USP43: variants seen among roughly 807,000 people sequenced by gnomAD.
The protein encoded by USP43 is ubiquitin specific peptidase 43.
USP43 carries 33 observed loss-of-function variants against 90.7 expected under a neutral mutation model. The ratio of observed to expected loss-of-function variants is 0.36; its 90% CI spans 0.28 to 0.49. The LOEUF (loss-of-function observed/expected upper bound fraction) is 0.49, where lower values mean the gene tolerates loss of function less well. USP43 is among the 20% of genes least tolerant of loss of function. The pLI is 0.98. For missense variants in USP43, 1,274 were observed against 1,476.4 expected (o/e 0.86, Z 2.25); for synonymous variants, 598 against 615.8 (o/e 0.97, Z 0.43).
At chr17:9,654,938 A>G (rs887684976) in intron 1 of USP43, among the ~76,000 whole-genome samples, 2 of 151,838 alleles carry the variant, frequency 1.3e-5, no homozygotes, top group East Asian at 1.9e-4. Context: ...GGGTTTCACT[A>G]TATTGGCTTG....
intron 9 of USP43, among the ~76,000 whole-genome samples, chr17:9,694,318 T>C (rs1422039195): frequency 6.6e-6 from 1 of 152,110 alleles, no homozygotes; most frequent in Non-Finnish European, 1.5e-5. Flanking sequence ...ATGCTTTTGC[T>C]TTACAGAGTT....
chr17:9,710,247 T>TTTCTACAGC, intron 13 of USP43, 133 bp downstream of exon 13: 1 of 1,028,712 alleles, frequency 9.7e-7, no homozygotes, highest in Non-Finnish European at 1.3e-6. Flanking sequence ...GATGCTGCTG[T>TTTCTACAGC]AGAAACCTGA....
At chr17:9,655,265 C>T (rs1032104169) in intron 1 of USP43, among the ~76,000 whole-genome samples, 6 of 152,112 alleles carry the variant, frequency 3.9e-5, no homozygotes, top group Middle Eastern at 3.2e-3. Flanking sequence ...GTCCCACGGC[C>T]ATCACGTGCT....
At chr17:9,699,620 A>G (rs1394516294) in intron 9 of USP43, among the ~76,000 whole-genome samples, 1 of 152,174 alleles carries the variant, frequency 6.6e-6, no homozygotes, top group East Asian at 1.9e-4. Context: ...TCTCTTCTGT[A>G]TTGAGGCTGA....
intron 3 of USP43, among the ~76,000 whole-genome samples, chr17:9,668,617 G>A (rs746683001): frequency 1.3e-5 from 2 of 152,104 alleles, no homozygotes; most frequent in East Asian, 3.9e-4. Flanking sequence ...GGATGACTGC[G>A]GGCTCTTCGT....
At chr17:9,669,068 A>T (rs996376207) in intron 3 of USP43, among the ~76,000 whole-genome samples, 5 of 151,062 alleles carry the variant, frequency 3.3e-5, no homozygotes, top group Non-Finnish European at 4.4e-5. Context: ...CTGGTCTCGA[A>T]CTCCTGACCT....
rs904873520 is a variant in USP43, at chr17:9,709,693, G to A, written c.2012-263G>A. Among the ~76,000 whole-genome samples the A allele has an allele frequency of 6.6e-6, 1 of 152,040 alleles. No homozygotes were observed. The highest frequency in any genetic ancestry group is 1.5e-5 in the Non-Finnish European group (1 of 68,020). On this transcript the variant is annotated intron_variant, in intron 12 of 14. Transcript: ENST00000285199. The surrounding 1 kb of genome is among the most constrained non-coding windows in gnomAD (Gnocchi z 5.0). ...ATCGCGCCACTTCACTCCAGCCTGG[G>A]TGACAGAGCGAAACTCCGTCTCAAA...
Position 9,656,420 on chromosome 17 carries a change from C to T in USP43, c.522C>T (p.Tyr174=), listed in dbSNP as rs538991468. 1.7e-4 allele frequency: 268 copies of T among 1,610,974 alleles called. No individual in the cohort carries two copies. The highest frequency in any genetic ancestry group is 6.6e-4 in the Middle Eastern group (4 of 6,038). The change falls in exon 2 of 15, where the codon TAC becomes TAT. Residue 174 remains tyrosine (Y), a synonymous_variant. Transcript: ENST00000285199. ...CCTTTCAGAATGCAGTTTCCAAGTA[C>T]GGCTCTCAGTTCCAAGGCAATTCCC... The part of the protein sequence containing the change: ...SAEFKNAVSK[Y]GSQFQGNSQH...
intron 2 of USP43, among the ~76,000 whole-genome samples, chr17:9,663,315 T>TG (rs1027782728): frequency 6.9e-6 from 1 of 144,772 alleles, no homozygotes; most frequent in South Asian, 2.2e-4. Flanking sequence ...TTTTTTTTTT[T>TG]GAGACAAAGT....
intron 13 of USP43, among the ~76,000 whole-genome samples, chr17:9,711,722 C>T (rs542630847): frequency 7.2e-5 from 11 of 152,314 alleles, no homozygotes; most frequent in South Asian, 2.1e-4. Context: ...TGAGCCACCG[C>T]GCCCAGCCCA....
Position 9,674,784 on chromosome 17 carries a change from G to A in USP43, c.741-107G>A, listed in dbSNP as rs1190176029. On this transcript the variant is annotated intron_variant, in intron 3 of 14. Transcript: ENST00000285199. The surrounding 1 kb of genome is among the most constrained non-coding windows in gnomAD (Gnocchi z 4.4). ...TCAATTCTTCTGGGTATGTACCTAC[G>A]AGTGGAATCACAGGGAGTGGAAATG... is the stretch of plus-strand genomic sequence containing the variant. 7 of 891,216 alleles carry A rather than the reference G, an allele frequency of 7.9e-6. No homozygotes were observed. The highest frequency in any genetic ancestry group is 4.8e-5 in the East Asian group (2 of 41,596). 55.2% of individuals were successfully genotyped at this position (891,216 alleles called of 1,614,324 possible). A position where few individuals can be genotyped will look rare whatever the true frequency, so the allele number is the denominator to read the frequency against.
rs1256031821 is a variant in USP43 at position 9,728,313 on chromosome 17, C to A, written c.2695C>A (p.His899Asn). The A allele has an allele frequency of 6.2e-7, 1 of 1,612,706 alleles. No individual in the cohort carries two copies. The highest frequency in any genetic ancestry group is 8.5e-7 in the Non-Finnish European group (1 of 1,179,388). ...GCCCTGTCCCTCGGCTCAACCCAACCACTGTCTGGCCCCTGGAAACTCAGA... is the reference window on the plus strand; with the variant it reads ...GCCCTGTCCCTCGGCTCAACCCAACAACTGTCTGGCCCCTGGAAACTCAGA... ...GVPCPSAQPN[H>N]CLAPGNSDGP... The change falls in exon 15 of 15, where the codon CAC becomes AAC. Residue 899 changes from histidine to asparagine, a missense_variant. By Grantham distance (68) the His-to-Asn change is moderately conservative (BLOSUM62 1). Around this residue, in one of 6 missense-constraint regions of USP43, gnomAD observed 353 missense variants for 329.7 expected, o/e 1.07. Coordinates refer to ENST00000285199, the MANE Select transcript of USP43 (RefSeq NM_153210.5). The surrounding 1 kb of genome is among the most constrained non-coding windows in gnomAD (Gnocchi z 6.2).
chr17:9,668,575 C>A (rs1229125014), intron 3 of USP43, among the ~76,000 whole-genome samples: 1 of 152,336 alleles, frequency 6.6e-6, no homozygotes, highest in East Asian at 1.9e-4. Context: ...CGCTCTGCCT[C>A]ACCAGGGACA....
chr17:9,676,687 C>T (rs1021066476), intron 4 of USP43, 59 bp from the exon 5 acceptor site: 44 of 1,561,934 alleles, frequency 2.8e-5, no homozygotes, highest in Non-Finnish European at 3.7e-5. Flanking sequence ...CCATTATCAA[C>T]AATGTCATTC....
rs933180663 is a variant in USP43, at chr17:9,712,072, T to C, written c.2275T>C (p.Ser759Pro). The C allele has an allele frequency of 1.9e-6, 3 of 1,611,182 alleles. No individual in the cohort carries two copies. Among genetic ancestry groups the C allele is most frequent in the Admixed American group, 1.7e-5 (1 of 59,782 alleles). The change falls in exon 14 of 15, where the codon TCC becomes CCC. Residue 759 changes from serine to proline, a missense_variant. This residue lies in a region of USP43 where 285 missense variants were observed against 349.6 expected (regional missense o/e 0.82). Transcript: ENST00000285199. Reference protein sequence around the residue: ...LLSWSSAPCPSLPQVPDSPIF... With the variant: ...LLSWSSAPCPPLPQVPDSPIF... ...GTCCTGGAGCTCTGCCCCCTGCCCC[T>C]CCCTGCCCCAGGTTCCTGACTCTCC...
chr17:9,645,751 G>T lies in USP43; in HGVS notation c.119G>T (p.Arg40Leu). The T allele has an allele frequency of 7.2e-7, 1 of 1,388,184 alleles. No individual in the cohort carries two copies. Among genetic ancestry groups the T allele is most frequent in the South Asian group, 1.6e-5 (1 of 61,508 alleles). The allele number at this position is 1,388,184 out of a possible 1,614,324, so 86.0% of individuals were successfully genotyped here. A position where few individuals can be genotyped will look rare whatever the true frequency, so the allele number is the denominator to read the frequency against. ...RFLLALGSRS[R>L]PGDSPPRPQP... Reference sequence around the variant, plus strand: ...CTGCTGGCGCTGGGCAGCCGCTCACGCCCCGGGGACTCACCGCCCCGGCCC... The same window carrying T: ...CTGCTGGCGCTGGGCAGCCGCTCACTCCCCGGGGACTCACCGCCCCGGCCC... Residue 40 changes from arginine to leucine, a missense_variant, in exon 1 of 15, where the codon CGC becomes CTC. By Grantham distance (102) the Arg-to-Leu change is moderately radical. Around this residue, in one of 6 missense-constraint regions of USP43, gnomAD observed 112 missense variants for 106.6 expected, o/e 1.05. Coordinates refer to ENST00000285199, the MANE Select transcript of USP43 (RefSeq NM_153210.5). This position sits in a 1 kb window ranked among gnomAD's most constrained non-coding sequence, Gnocchi z 6.8.
At chr17:9,691,660 T>C (rs749315672) in intron 8 of USP43, among the ~76,000 whole-genome samples, 1 of 152,160 alleles carries the variant, frequency 6.6e-6, no homozygotes, top group Non-Finnish European at 1.5e-5. Flanking sequence ...AACTGTTTTC[T>C]ACAGCAGCTG....
chr17:9,707,879 G>T (rs928104868), intron 12 of USP43, among the ~76,000 whole-genome samples: 1 of 152,214 alleles, frequency 6.6e-6, no homozygotes, highest in Non-Finnish European at 1.5e-5. Context: ...TACAAGGCCT[G>T]CCCTCATGGG....
At chr17:9,679,643 A>G (rs1475247183) in intron 5 of USP43, among the ~76,000 whole-genome samples, 1 of 148,724 alleles carries the variant, frequency 6.7e-6, no homozygotes. Context: ...CTCCTGCCTC[A>G]GCCTCCGTAG....
Sources: allele counts gnomAD v4.1 joint callset (sites outside exome capture counted in the v4.1 genomes callset), GRCh38; gene constraint gnomAD v4.1.1; regional missense constraint gnomAD v4.1.1; non-coding constraint Gnocchi (gnomAD v3.1); transcripts MANE v1.5; gene names NCBI Gene and HGNC (gene_info 2026-07-23, HGNC 2026-07-21).